Variants in LRP6 observed in about 807,000 individuals in gnomAD.
The protein encoded by LRP6 is LDL receptor related protein 6.
Under a neutral mutation model 184.1 loss-of-function variants are expected in LRP6, and 43 were observed. That is an observed-to-expected ratio of 0.23 (90% CI 0.18 to 0.30). The LOEUF is 0.30. Ranked by LOEUF, LRP6 falls within the 10% of genes least tolerant of loss-of-function variation. The probability of loss-of-function intolerance (pLI) is 1.00; values close to 1 mark genes in which losing one functional copy is unlikely to be tolerated. For synonymous variants in LRP6, 719 were observed against 684.9 expected, an observed-to-expected ratio of 1.05 and a Z score of -0.78; for missense variants, 1,571 against 2,005.3, an observed-to-expected ratio of 0.78 and a Z score of 4.14.
chr12:12,181,080 C>G lies in LRP6; in HGVS notation c.1336G>C (p.Glu446Gln). Residue 446 changes from glutamate to glutamine, a missense_variant, in exon 6 of 23, where the codon GAG (glutamate) becomes CAG (glutamine). Physicochemically the swap from Glu to Gln is conservative, Grantham distance 29 (BLOSUM62 2). Transcript: ENST00000261349. Reference sequence around the variant, plus strand: ...TCTAACACAATAGCCCGGGGTTCCTCTAAGTCCTCTGAAATCAAGATCTTC... The same window carrying G: ...TCTAACACAATAGCCCGGGGTTCCTGTAAGTCCTCTGAAATCAAGATCTTC... ...MRKILISEDL[E>Q]EPRAIVLDPM... 1 of 1,614,134 alleles carries G rather than the reference C, an allele frequency of 6.2e-7. No individual in the cohort carries two copies. The highest frequency in any genetic ancestry group is 8.5e-7 in the Non-Finnish European group (1 of 1,179,998).
chr12:12,243,060 G>C (rs1865104306), intron 2 of LRP6, among the ~76,000 whole-genome samples: 1 of 152,150 alleles, frequency 6.6e-6, no homozygotes, highest in South Asian at 2.1e-4. Context: ...AAATAGTACA[G>C]GTTATTTATC....
chr12:12,144,023 T>C (rs1949969444), intron 15 of LRP6, among the ~76,000 whole-genome samples: 1 of 152,164 alleles, frequency 6.6e-6, no homozygotes, highest in South Asian at 2.1e-4. Context: ...ATGTTAACCG[T>C]AAAAAGAAAA....
chr12:12,266,893 G>GC lies in LRP6; in HGVS notation c.-159dup. 1 of 698,436 alleles carries GC rather than the reference G, an allele frequency of 1.4e-6. No individual in the cohort carries two copies. The allele number at this position is 698,436 out of a possible 1,614,324, so 43.3% of individuals were successfully genotyped here. A position where few individuals can be genotyped will look rare whatever the true frequency, so the allele number is the denominator to read the frequency against. On this transcript the variant is annotated 5_prime_UTR_variant, in exon 1 of 23. It removes the in-frame stop codon of an upstream open reading frame in the 5' UTR. Transcript: ENST00000261349. ...AAAGGGGCACGTCAAGGTTCCGCGC[G>GC]CGCCGCCGCCGCCCTCTCTACCGCG...
At chr12:12,199,638 G>A (rs1863860213) in intron 3 of LRP6, among the ~76,000 whole-genome samples, 1 of 152,000 alleles carries the variant, frequency 6.6e-6, no homozygotes, top group Non-Finnish European at 1.5e-5. Flanking sequence ...TCTTTGCCAG[G>A]TACTTTAGGG....
At chr12:12,193,142 CT>C (rs1200173372) in intron 3 of LRP6, among the ~76,000 whole-genome samples, 3 of 151,652 alleles carry the variant, frequency 2.0e-5, no homozygotes, top group Non-Finnish European at 4.4e-5. Flanking sequence ...TCTCAATTTC[CT>C]CTAAATCAGC....
chr12:12,255,922 C>T (rs1374981222), intron 1 of LRP6, among the ~76,000 whole-genome samples: 1 of 152,072 alleles, frequency 6.6e-6, no homozygotes, highest in African/African-American at 2.4e-5. Flanking sequence ...TACCTATTTG[C>T]AAATGCCAAA....
chr12:12,225,011 C>G (rs1864579514), intron 2 of LRP6, among the ~76,000 whole-genome samples: 1 of 152,132 alleles, frequency 6.6e-6, no homozygotes, highest in South Asian at 2.1e-4. Flanking sequence ...TCTAGACCAG[C>G]CTGACCAACA....
At chr12:12,264,525 C>T (rs1865707783) in intron 1 of LRP6, among the ~76,000 whole-genome samples, 1 of 152,154 alleles carries the variant, frequency 6.6e-6, no homozygotes, top group Admixed American at 6.6e-5. Context: ...AACAGGGCTA[C>T]AGGACAGAAG....
Position 12,249,223 on chromosome 12 carries a change from C to T in LRP6, c.56-4568G>A, listed in dbSNP as rs1418993674. ...TGTGGACCTAAATACCCAGAAGCAC[C>T]CCCCTTTGTAAGATTTGTAACAAAA... On this transcript the variant is annotated intron_variant, in intron 1 of 22. Transcript: ENST00000261349. 1.5e-5 allele frequency: 12 copies of T among 816,366 alleles called. No individual in the cohort carries two copies. In the East Asian group the frequency reaches 2.2e-4, roughly 15 times the overall value. The allele number at this position is 816,366 out of a possible 1,614,324, so 50.6% of individuals were successfully genotyped here.
intron 2 of LRP6, among the ~76,000 whole-genome samples, chr12:12,205,474 T>C (rs536672639): frequency 1.3e-5 from 2 of 151,796 alleles, no homozygotes; most frequent in African/African-American, 2.4e-5. Context: ...CTGAAATGAA[T>C]CTACTTAATG....
At chr12:12,178,479 T>C (rs899356055) in intron 7 of LRP6, among the ~76,000 whole-genome samples, 7 of 152,188 alleles carry the variant, frequency 4.6e-5, no homozygotes, top group African/African-American at 7.2e-5. Flanking sequence ...CTAAAACTTA[T>C]GGGCTTTAAA....
intron 2 of LRP6, among the ~76,000 whole-genome samples, chr12:12,242,746 C>T (rs781488059): frequency 2.0e-5 from 3 of 152,198 alleles, no homozygotes; most frequent in Non-Finnish European, 4.4e-5. Flanking sequence ...TCAACAAACA[C>T]GTTTTAATTT....
chr12:12,210,032 T>G (rs1864167109), intron 2 of LRP6, among the ~76,000 whole-genome samples: 1 of 152,178 alleles, frequency 6.6e-6, no homozygotes, highest in Admixed American at 6.5e-5. Flanking sequence ...GAAGTCATGA[T>G]ATATTCAATA....
chr12:12,200,046 G>A (rs1361641276), intron 3 of LRP6, among the ~76,000 whole-genome samples: 1 of 139,660 alleles, frequency 7.2e-6, no homozygotes, highest in African/African-American at 2.7e-5. Context: ...GCTCCAATTT[G>A]TACATCAGTA....
intron 5 of LRP6, among the ~76,000 whole-genome samples, chr12:12,182,027 G>A (rs1863357077): frequency 6.6e-6 from 1 of 152,160 alleles, no homozygotes; most frequent in Admixed American, 6.5e-5. Flanking sequence ...ACAGAATTGA[G>A]GACAAAGCAA....
chr12:12,155,492 A>G, intron 12 of LRP6: 1 of 853,936 alleles, frequency 1.2e-6, no homozygotes, highest in South Asian at 1.3e-5. Flanking sequence ...TGTTGTAAAC[A>G]AAAAAGTTAA....
intron 2 of LRP6, among the ~76,000 whole-genome samples, chr12:12,239,222 G>C (rs1384463195): frequency 1.3e-5 from 2 of 152,148 alleles, no homozygotes; most frequent in Admixed American, 1.3e-4. Context: ...CATACACAGG[G>C]ACAGTGCTTT....
In LRP6 at chr12:12,121,377, G is replaced by A; in HGVS notation, c.4591C>T (p.Pro1531Ser). 6.2e-7 allele frequency: 1 copy of A among 1,614,166 alleles called. No homozygotes were observed. The highest frequency in any genetic ancestry group is 1.1e-5 in the South Asian group (1 of 91,086). Reference sequence around the variant, plus strand: ...CTGTCACAAACATCTGTGCTGCAGGGTGTGGTGGGGGGTGCAAAGTGCCGG... The same window carrying A: ...CTGTCACAAACATCTGTGCTGCAGGATGTGGTGGGGGGTGCAAAGTGCCGG... ...SYRHFAPPTT[P>S]CSTDVCDSDY... The change falls in exon 23 of 23, where the codon CCC becomes TCC. Residue 1531 changes from proline to serine, a missense_variant. This residue lies in a region of LRP6 where 763 missense variants were observed against 859.5 expected (regional missense o/e 0.89). Transcript: ENST00000261349.
Position 12,152,278 on chromosome 12 carries a change from TAAACCTCTTTTTGTTCCC to T in LRP6, c.2792-1258_2792-1241del, listed in dbSNP as rs1458321555. ...TCCCCAGCCATGTGGAACTGTAAAT[TAAACCTCTTTTTGTTCCC>T]AGTTTCCAATATGTCTTTATCAACC... On this transcript the variant is annotated intron_variant, in intron 12 of 22. Transcript: ENST00000261349. Among the ~76,000 whole-genome samples the T allele has an allele frequency of 2.0e-5, 3 of 152,146 alleles. 1 individual carries two copies. In the East Asian group the frequency reaches 5.8e-4, roughly 29 times the overall value.
Sources: allele counts gnomAD v4.1 joint callset (sites outside exome capture counted in the v4.1 genomes callset), GRCh38; gene constraint gnomAD v4.1.1; regional missense constraint gnomAD v4.1.1; transcripts MANE v1.5; gene names NCBI Gene and HGNC (gene_info 2026-07-23, HGNC 2026-07-21).